The following PIP4K2A variants were observed in gnomAD, a reference collection of about 807,000 sequenced individuals.
PIP4K2A encodes the protein phosphatidylinositol 5-phosphate 4-kinase type-2 alpha.
A neutral mutation model predicts 42.9 loss-of-function variants in PIP4K2A; 14 were observed. The observed-to-expected ratio is 0.33, with a 90% confidence interval of 0.22 to 0.51. The LOEUF (loss-of-function observed/expected upper bound fraction) is 0.51, where lower values mean the gene tolerates loss of function less well. Among genes scored for constraint, PIP4K2A ranks in the 20% least tolerant of loss-of-function variants. PIP4K2A has a pLI of 0.97. For synonymous variants in PIP4K2A, 192 were observed against 192.2 expected (o/e 1.00, Z 0.01); for missense variants, 434 against 519.8 (o/e 0.83, Z 1.61).
chr10:22,601,016 C>G (rs1223157471), intron 3 of PIP4K2A, among the ~76,000 whole-genome samples: 1 of 151,244 alleles, frequency 6.6e-6, no homozygotes, highest in Non-Finnish European at 1.5e-5. Flanking sequence ...GAGAAAGCAA[C>G]AGAGTTGCAG....
chr10:22,637,039 A>G (rs1186147446), intron 1 of PIP4K2A, among the ~76,000 whole-genome samples: 1 of 152,256 alleles, frequency 6.6e-6, no homozygotes, highest in Non-Finnish European at 1.5e-5. Context: ...TTTTAGGCCA[A>G]TTATACATTA....
chr10:22,664,168 C>T (rs58316753), intron 1 of PIP4K2A, among the ~76,000 whole-genome samples: 7,943 of 29,774 alleles, frequency 0.27, 742 homozygotes, highest in Non-Finnish European at 0.31. Context: ...TATATATATA[C>T]ATATATATAT....
intron 1 of PIP4K2A, among the ~76,000 whole-genome samples, chr10:22,621,892 C>T (rs1362913831): frequency 6.6e-6 from 1 of 152,158 alleles, no homozygotes; most frequent in Non-Finnish European, 1.5e-5. Flanking sequence ...TTTCCATGAC[C>T]ACAACAGAGG....
At chr10:22,594,401 A>AT (rs1408674031) in intron 3 of PIP4K2A, among the ~76,000 whole-genome samples, 1 of 152,016 alleles carries the variant, frequency 6.6e-6, no homozygotes, top group Admixed American at 6.6e-5. Context: ...AGGGTTTTTT[A>AT]TTTTTATTTT....
chr10:22,622,263 A>T (rs1838347757), intron 1 of PIP4K2A, among the ~76,000 whole-genome samples: 1 of 152,160 alleles, frequency 6.6e-6, no homozygotes, highest in Non-Finnish European at 1.5e-5. Context: ...GTGCTCCCAG[A>T]TGCTGAGGGG....
chr10:22,685,128 C>G (rs971324833), intron 1 of PIP4K2A, among the ~76,000 whole-genome samples: 1 of 151,996 alleles, frequency 6.6e-6, no homozygotes, highest in Non-Finnish European at 1.5e-5. Flanking sequence ...GAAAATGGTT[C>G]TGCTTGAATT....
intron 5 of PIP4K2A, 111 bp from the exon 6 acceptor site, chr10:22,568,000 C>G (rs550742423): frequency 1.1e-6 from 1 of 946,120 alleles, no homozygotes; most frequent in Non-Finnish European, 1.7e-6. Context: ...AGCACCCACT[C>G]TGCTTCGCAG....
chr10:22,651,619 C>T (rs1414933897), intron 1 of PIP4K2A, among the ~76,000 whole-genome samples: 1 of 152,236 alleles, frequency 6.6e-6, no homozygotes, highest in African/African-American at 2.4e-5. Context: ...TTATTATTTA[C>T]TTCTAAGCAT....
intron 6 of PIP4K2A, among the ~76,000 whole-genome samples, chr10:22,557,870 T>G (rs1836591012): frequency 6.6e-6 from 1 of 152,158 alleles, no homozygotes; most frequent in Non-Finnish European, 1.5e-5. Flanking sequence ...CAAGTTTTTA[T>G]TTTAGTCTGG....
intron 4 of PIP4K2A, among the ~76,000 whole-genome samples, chr10:22,574,481 A>C (rs1837066538): frequency 6.6e-6 from 1 of 151,504 alleles, no homozygotes; most frequent in Non-Finnish European, 1.5e-5. Flanking sequence ...TTTATAAAAA[A>C]TACAAAAGTA....
intron 1 of PIP4K2A, among the ~76,000 whole-genome samples, chr10:22,613,653 A>G (rs1455023807): frequency 6.6e-6 from 1 of 152,184 alleles, no homozygotes; most frequent in African/African-American, 2.4e-5. Context: ...ATGTGGATGG[A>G]CAAGTTTAAA....
At chr10:22,645,118 C>A (rs576953679) in intron 1 of PIP4K2A, among the ~76,000 whole-genome samples, 22 of 152,294 alleles carry the variant, frequency 1.4e-4, no homozygotes, top group African/African-American at 5.3e-4. Context: ...AAATTTTGAT[C>A]TTTTAAAATT....
chr10:22,601,130 CAAAAAAAAAAAAA>C lies in PIP4K2A; in HGVS notation c.339+6784_339+6796del, dbSNP rs1188396077. 3.4e-4 allele frequency among the ~76,000 whole-genome samples: 11 copies of C among 31,920 alleles called. No individual in the cohort carries two copies. The East Asian group carries it at 9.5e-3, about 28-fold the overall frequency. The allele number at this position is 31,920 out of a possible 152,430, so 20.9% of individuals were successfully genotyped here. On this transcript the variant is annotated intron_variant, in intron 3 of 9. Transcript: ENST00000376573. ...CCTGGGCAACAGAGCGAGACTGTCTCAAAAAAAAAAAAAAAAAAAAAAAAAAAAAAAAACAAAC... is the reference window on the plus strand; with the variant it reads ...CCTGGGCAACAGAGCGAGACTGTCTCAAAAAAAAAAAAAAAAAAAACAAAC...
At chr10:22,684,158 A>G (rs965092221) in intron 1 of PIP4K2A, among the ~76,000 whole-genome samples, 5 of 152,150 alleles carry the variant, frequency 3.3e-5, no homozygotes, top group Non-Finnish European at 7.4e-5. Flanking sequence ...GGCCTGTGGC[A>G]AACCATCTTT....
At chr10:22,632,439 C>T (rs956007714) in intron 1 of PIP4K2A, among the ~76,000 whole-genome samples, 7 of 152,078 alleles carry the variant, frequency 4.6e-5, no homozygotes, top group African/African-American at 1.7e-4. Context: ...ATAGTATGTA[C>T]AACATTGTTT....
intron 1 of PIP4K2A, among the ~76,000 whole-genome samples, chr10:22,629,584 A>T (rs1387060697): frequency 6.6e-6 from 1 of 152,242 alleles, no homozygotes; most frequent in African/African-American, 2.4e-5. Flanking sequence ...ATAATGACAT[A>T]TACTAAAAGT....
At chr10:22,691,857 A>G (rs1839876862) in intron 1 of PIP4K2A, 1 of 152,168 alleles carries the variant, frequency 6.6e-6, no homozygotes, top group South Asian at 2.1e-4. Context: ...AAATAGAACA[A>G]TAGCTGAGAT....
intron 1 of PIP4K2A, among the ~76,000 whole-genome samples, chr10:22,625,076 A>G (rs1838408790): frequency 6.6e-6 from 1 of 152,332 alleles, no homozygotes; most frequent in East Asian, 1.9e-4. Flanking sequence ...ATAACTGGCG[A>G]GATGTGTTGA....
rs201968076 is a variant in PIP4K2A at position 22,591,619 on chromosome 10, G to A, written c.492+10C>T. 1.1e-5 allele frequency: 17 copies of A among 1,595,598 alleles called. No homozygotes were observed. Among genetic ancestry groups the A allele is most frequent in the African/African-American group, 4.0e-5 (3 of 74,408 alleles). On this transcript the variant is annotated intron_variant, in intron 4 of 9. Transcript: ENST00000376573. ...TCTTGGAGTTTCAAATAAAGATCAAGAAAAATTACCTGGTGGTATTTCTTC... is the reference window on the plus strand; with the variant it reads ...TCTTGGAGTTTCAAATAAAGATCAAAAAAAATTACCTGGTGGTATTTCTTC...
Sources: allele counts gnomAD v4.1 joint callset (sites outside exome capture counted in the v4.1 genomes callset), GRCh38; gene constraint gnomAD v4.1.1; transcripts MANE v1.5; gene names NCBI Gene and HGNC (gene_info 2026-07-23, HGNC 2026-07-21).